Variants in EPHA5 observed in about 807,000 individuals in gnomAD.
EPHA5 encodes EPH receptor A5, also known as ephrin type-A receptor 5.
EPHA5 carries 60 observed loss-of-function variants against 105.0 expected under a neutral mutation model. The observed-to-expected ratio is 0.57, with a 90% CI of 0.46 to 0.71. The LOEUF is 0.71. Among genes scored for constraint, EPHA5 ranks in the 30% least tolerant of loss-of-function variants. The pLI, the probability that EPHA5 is intolerant of heterozygous loss-of-function variation, is 0.00. For missense variants in EPHA5, 1,218 were observed against 1,274.7 expected, an observed-to-expected ratio of 0.96 and a Z score of 0.68; for synonymous variants, 513 against 449.1, an observed-to-expected ratio of 1.14 and a Z score of -1.80.
chr4:65,624,350 T>A (rs1327688895), intron 2 of EPHA5, among the ~76,000 whole-genome samples: 1 of 152,226 alleles, frequency 6.6e-6, no homozygotes, highest in African/African-American at 2.4e-5. Flanking sequence ...CTTGTCATTA[T>A]TCAGTATCTT....
intron 8 of EPHA5, among the ~76,000 whole-genome samples, chr4:65,372,427 T>C (rs17086137): frequency 0.14 from 21,086 of 151,860 alleles, 1,742 homozygotes; most frequent in East Asian, 0.28. Flanking sequence ...AAATGGGGCA[T>C]TGGATATTTA....
chr4:65,656,129 C>CT (rs1749033946), intron 1 of EPHA5, among the ~76,000 whole-genome samples: 1 of 40,456 alleles, frequency 2.5e-5, no homozygotes, highest in African/African-American at 7.3e-5. Flanking sequence ...GCTGCTGCTG[C>CT]TTAAAAAAAA....
intron 8 of EPHA5, among the ~76,000 whole-genome samples, chr4:65,378,519 T>A (rs1053484493): frequency 4.6e-5 from 7 of 151,952 alleles, no homozygotes; most frequent in African/African-American, 1.7e-4. Flanking sequence ...AGCACTCAGA[T>A]TAGGGGTTGG....
intron 3 of EPHA5, among the ~76,000 whole-genome samples, chr4:65,514,262 G>C (rs954048164): frequency 6.6e-6 from 1 of 152,064 alleles, no homozygotes; most frequent in Admixed American, 6.6e-5. Context: ...ATCTGATGTT[G>C]ACATTCTTCT....
intron 5 of EPHA5, among the ~76,000 whole-genome samples, chr4:65,430,586 C>T (rs959117864): frequency 1.3e-5 from 2 of 152,048 alleles, no homozygotes; most frequent in Admixed American, 6.6e-5. Flanking sequence ...TACATTAACT[C>T]ATTCATCCTT....
intron 14 of EPHA5, among the ~76,000 whole-genome samples, chr4:65,336,890 T>C (rs1041834567): frequency 2.6e-5 from 4 of 152,066 alleles, no homozygotes; most frequent in Non-Finnish European, 5.9e-5. Flanking sequence ...CAGGTTTATT[T>C]TATTATTAAA....
intron 2 of EPHA5, among the ~76,000 whole-genome samples, chr4:65,632,535 C>CAA (rs35050180): frequency 0.015 from 1,854 of 125,830 alleles, 45 homozygotes; most frequent in African/African-American, 0.044. Flanking sequence ...CAATTTTCAG[C>CAA]AAAAAAAAAA....
At chr4:65,340,142 T>G (rs142364203) in intron 14 of EPHA5, among the ~76,000 whole-genome samples, 2 of 152,222 alleles carry the variant, frequency 1.3e-5, no homozygotes, top group Non-Finnish European at 2.9e-5. Flanking sequence ...AGTAGAAATA[T>G]TCTAAAAATA....
intron 8 of EPHA5, among the ~76,000 whole-genome samples, chr4:65,391,684 T>C (rs1278676143): frequency 2.0e-5 from 3 of 152,130 alleles, no homozygotes; most frequent in Admixed American, 2.0e-4. Context: ...GAGGGTCTTC[T>C]GCCAGAGCCC....
chr4:65,617,764 A>G (rs2149470550), intron 2 of EPHA5, among the ~76,000 whole-genome samples: 1 of 152,262 alleles, frequency 6.6e-6, no homozygotes, highest in South Asian at 2.1e-4. Context: ...TTTATAGTGA[A>G]GAGAATTGAA....
intron 3 of EPHA5, among the ~76,000 whole-genome samples, chr4:65,583,916 T>C (rs1741882109): frequency 6.6e-6 from 1 of 151,650 alleles, no homozygotes; most frequent in Admixed American, 6.6e-5. Context: ...CATTAAACAT[T>C]AAATTAAATT....
intron 8 of EPHA5, among the ~76,000 whole-genome samples, chr4:65,396,799 T>C (rs1324078911): frequency 6.6e-6 from 1 of 152,164 alleles, no homozygotes; most frequent in Admixed American, 6.5e-5. Flanking sequence ...ATAAGTTCAT[T>C]ATTCAAGCAG....
chr4:65,412,007 T>C (rs919967412), intron 7 of EPHA5, among the ~76,000 whole-genome samples: 4 of 152,198 alleles, frequency 2.6e-5, no homozygotes, highest in African/African-American at 9.6e-5. Context: ...GGCAAGCAGA[T>C]CACCTAGGGT....
chr4:65,415,716 A>C (rs1011540089), intron 6 of EPHA5, among the ~76,000 whole-genome samples: 1 of 152,042 alleles, frequency 6.6e-6, no homozygotes, highest in African/African-American at 2.4e-5. Context: ...ATTTGAGCCA[A>C]GGATTCAAAG....
intron 5 of EPHA5, among the ~76,000 whole-genome samples, chr4:65,427,840 A>G (rs1724595249): frequency 6.6e-6 from 1 of 152,176 alleles, no homozygotes; most frequent in Non-Finnish European, 1.5e-5. Context: ...CTATCTGAAT[A>G]ATAGTATAAT....
chr4:65,611,852 A>G (rs1578575834), intron 2 of EPHA5, among the ~76,000 whole-genome samples: 1 of 151,872 alleles, frequency 6.6e-6, no homozygotes, highest in African/African-American at 2.4e-5. Flanking sequence ...TTGCCATAAT[A>G]CATAATAAAG....
intron 2 of EPHA5, among the ~76,000 whole-genome samples, chr4:65,639,432 T>C (rs374646417): frequency 1.6e-4 from 25 of 152,194 alleles, no homozygotes; most frequent in African/African-American, 5.8e-4. Flanking sequence ...CTGGACCCCA[T>C]TATTTCTAGT....
rs958219536 is a variant in EPHA5, at chr4:65,571,711, G to A, written c.910+29930C>T. ...ATGTTTTACTTTTCAATAAAAATAT[G>A]TATTTTTGTCACAAGGGGCTTGTTT... On this transcript the variant is annotated intron_variant, in intron 3 of 16. Transcript: ENST00000613740. Among the ~76,000 whole-genome samples, 6 of 151,954 alleles carry A rather than the reference G, an allele frequency of 3.9e-5. No individual in the cohort carries two copies. The South Asian group carries it at 1.0e-3, about 26-fold the overall frequency.
intron 5 of EPHA5, among the ~76,000 whole-genome samples, chr4:65,487,998 T>G (rs1013000245): frequency 1.1e-4 from 17 of 152,170 alleles, no homozygotes; most frequent in Non-Finnish European, 2.1e-4. Flanking sequence ...TATTTTGATG[T>G]TTTGGGTAGG....
Sources: gnomAD v4.1 joint callset for allele counts (sites outside exome capture counted in the v4.1 genomes callset) on GRCh38, gnomAD v4.1.1 for gene constraint, MANE v1.5 for transcripts, NCBI Gene and HGNC (gene_info 2026-07-23, HGNC 2026-07-21) for gene names.